The following CORO2A variants were observed in gnomAD, a reference collection of about 807,000 sequenced individuals.
The protein encoded by CORO2A is coronin-2A.
Under a neutral mutation model 62.4 loss-of-function variants are expected in CORO2A, and 47 were observed. The observed-to-expected ratio is 0.75, with a 90% CI of 0.60 to 0.96. The LOEUF (loss-of-function observed/expected upper bound fraction) is 0.96, where lower values mean the gene tolerates loss of function less well. Among genes scored for constraint, CORO2A ranks in the 40% least tolerant of loss-of-function variants. CORO2A has a pLI of 0.00. For synonymous variants in CORO2A, 273 were observed against 268.9 expected, an observed-to-expected ratio of 1.02 and a Z score of -0.15; for missense variants, 610 against 684.1, an observed-to-expected ratio of 0.89 and a Z score of 1.21.
chr9:98,126,454 C>T (rs551331120), intron 11 of CORO2A, 95 bp downstream of exon 11: 787 of 1,491,536 alleles, frequency 5.3e-4, no homozygotes, highest in Non-Finnish European at 6.9e-4. Context: ...GGTTATTCTT[C>T]TCATGCCTCA....
chr9:98,145,589 T>C (rs759317654), intron 2 of CORO2A, among the ~76,000 whole-genome samples: 1 of 152,118 alleles, frequency 6.6e-6, no homozygotes, highest in Non-Finnish European at 1.5e-5. Context: ...GGACAGGGCA[T>C]AGAGGGCTTT....
At position 98,134,964 on chromosome 9, in the gene CORO2A, G is replaced by C. The variant is rs1827465904; in HGVS notation, c.319-9C>G. 2 of 1,613,540 alleles carry C rather than the reference G, an allele frequency of 1.2e-6. No individual in the cohort carries two copies. Among genetic ancestry groups the C allele is most frequent in the Non-Finnish European group, 1.7e-6 (2 of 1,179,778 alleles). ...ATGCTCCAGATCTTAATCTGGCAGG[G>C]GAGACAGGGCCCAAGGCAGCATTAG... On this transcript the variant is annotated splice_polypyrimidine_tract_variant and intron_variant, in intron 3 of 11. Transcript: ENST00000375077.
intron 2 of CORO2A, among the ~76,000 whole-genome samples, chr9:98,154,327 G>GTATATATATA (rs1252469980): frequency 1.3e-4 from 12 of 93,290 alleles, no homozygotes; most frequent in East Asian, 1.1e-3. Context: ...ATGTGTTTGT[G>GTATATATATA]TGTATATATA....
At chr9:98,188,140 GC>G (rs1828261817) in intron 1 of CORO2A, among the ~76,000 whole-genome samples, 1 of 152,010 alleles carries the variant, frequency 6.6e-6, no homozygotes, top group Non-Finnish European at 1.5e-5. Flanking sequence ...CAGGGCTTTT[GC>G]CCCAGCTGTT....
chr9:98,166,825 A>G (rs1290508694), intron 1 of CORO2A, among the ~76,000 whole-genome samples: 1 of 152,178 alleles, frequency 6.6e-6, no homozygotes, highest in East Asian at 1.9e-4. Context: ...AAACCATGGA[A>G]TAATATTCAA....
At chr9:98,182,599 GA>G (rs1828191374) in intron 1 of CORO2A, among the ~76,000 whole-genome samples, 1 of 152,196 alleles carries the variant, frequency 6.6e-6, no homozygotes, top group Non-Finnish European at 1.5e-5. Context: ...GTTGGATGAG[GA>G]AAAAGAAGTG....
chr9:98,141,191 TTC>T (rs1827560865), intron 2 of CORO2A, among the ~76,000 whole-genome samples: 5 of 151,918 alleles, frequency 3.3e-5, no homozygotes, highest in Admixed American at 2.0e-4. Context: ...GGTGAAAATT[TTC>T]TCTCTTTCAA....
At chr9:98,143,870 C>T (rs894980318) in intron 2 of CORO2A, among the ~76,000 whole-genome samples, 6 of 152,198 alleles carry the variant, frequency 3.9e-5, no homozygotes, top group African/African-American at 1.4e-4. Flanking sequence ...TGAATGCAGG[C>T]AGCTGGATCA....
Position 98,137,588 on chromosome 9 carries a change from C to T in CORO2A, c.302G>A (p.Cys101Tyr), listed in dbSNP as rs1183514343. ...GACACTCACTGTGGCATCTTCAGAA[C>T]AGGAGGCGATCTCAAAATCATCAAA... ...NPFDDFEIAS[C>Y]SEDATIKIWS... Residue 101 changes from cysteine to tyrosine, a missense_variant, in exon 3 of 12, where the codon TGT becomes TAT. Coordinates refer to ENST00000375077, the MANE Select transcript of CORO2A (RefSeq NM_052820.4). 6.2e-7 allele frequency: 1 copy of T among 1,613,960 alleles called. No individual in the cohort carries two copies. Among genetic ancestry groups the T allele is most frequent in the Non-Finnish European group, 8.5e-7 (1 of 1,179,944 alleles).
In CORO2A at chr9:98,162,885, G is replaced by A. The variant is rs192921582; in HGVS notation, c.1-5225C>T. 1.4e-3 allele frequency among the ~76,000 whole-genome samples: 218 copies of A among 152,326 alleles called. 2 individuals are homozygous for A. The Middle Eastern group carries it at 0.034, about 24-fold the overall frequency. On this transcript the variant is annotated intron_variant, in intron 1 of 11. Transcript: ENST00000375077. ...CTTGCCCACAAGTGAGTACTGTAGC[G>A]GGCCCTTCGCCTACAGGCTGGGCCA...
At chr9:98,177,543 C>T (rs1449586613) in intron 1 of CORO2A, among the ~76,000 whole-genome samples, 1 of 147,906 alleles carries the variant, frequency 6.8e-6, no homozygotes, top group Non-Finnish European at 1.5e-5. Context: ...CTTGGCTCAC[C>T]ACAACCTCTG....
intron 1 of CORO2A, among the ~76,000 whole-genome samples, chr9:98,164,194 T>C (rs988088786): frequency 6.6e-6 from 1 of 152,162 alleles, no homozygotes; most frequent in African/African-American, 2.4e-5. Flanking sequence ...ACCCAGTTAT[T>C]TCAAAAACCG....
At position 98,132,179 on chromosome 9, in the gene CORO2A, C is replaced by A; in HGVS notation, c.765+6G>T. 1 of 1,608,340 alleles carries A rather than the reference C, an allele frequency of 6.2e-7. No homozygotes were observed. Among genetic ancestry groups the A allele is most frequent in the South Asian group, 1.1e-5 (1 of 90,988 alleles). Reference sequence around the variant, plus strand: ...GTGATGGTGAGGGGTGGGGTGCAGCCCTCACCTGGTCCCACAAGGCCACCT... The same window carrying A: ...GTGATGGTGAGGGGTGGGGTGCAGCACTCACCTGGTCCCACAAGGCCACCT... On this transcript the variant is annotated splice_donor_region_variant and intron_variant, in intron 6 of 11. Transcript: ENST00000375077.
chr9:98,191,635 T>C (rs1176145013), intron 1 of CORO2A, among the ~76,000 whole-genome samples: 1 of 152,072 alleles, frequency 6.6e-6, no homozygotes, highest in Non-Finnish European at 1.5e-5. Context: ...CCAGAGGGGA[T>C]CTTACAGAGG....
chr9:98,179,017 C>T (rs1450180702), intron 1 of CORO2A, among the ~76,000 whole-genome samples: 1 of 152,210 alleles, frequency 6.6e-6, no homozygotes, highest in Admixed American at 6.5e-5. Context: ...AAAGTGGTCA[C>T]AGTCTAGCTC....
chr9:98,142,824 C>T (rs1304047465), intron 2 of CORO2A, among the ~76,000 whole-genome samples: 2 of 148,190 alleles, frequency 1.3e-5, no homozygotes, highest in Admixed American at 6.7e-5. Flanking sequence ...CCCTCCCCTC[C>T]GCCCCACCTC....
chr9:98,171,345 C>T (rs867325415), intron 1 of CORO2A, among the ~76,000 whole-genome samples: 7 of 152,318 alleles, frequency 4.6e-5, no homozygotes, highest in Middle Eastern at 3.4e-3. Flanking sequence ...CGTGGACCCA[C>T]AAATCAGCCC....
At chr9:98,128,355 C>A (rs1043578250) in intron 9 of CORO2A, 95 bp from the exon 10 acceptor site, 11 of 1,023,798 alleles carry the variant, frequency 1.1e-5, no homozygotes, top group Non-Finnish European at 1.6e-5. Context: ...CTCACCAACC[C>A]CTGCTGAATT....
chr9:98,138,732 G>C (rs538890547), intron 2 of CORO2A, among the ~76,000 whole-genome samples: 17 of 152,246 alleles, frequency 1.1e-4, no homozygotes, highest in African/African-American at 4.1e-4. Flanking sequence ...CTGGTATCTG[G>C]AACCCTAAGT....
Sources: allele counts gnomAD v4.1 joint callset (sites outside exome capture counted in the v4.1 genomes callset), GRCh38; gene constraint gnomAD v4.1.1; transcripts MANE v1.5; gene names NCBI Gene and HGNC (gene_info 2026-07-23, HGNC 2026-07-21).